USP8: variants seen among roughly 807,000 people sequenced by gnomAD.
USP8 encodes ubiquitin carboxyl-terminal hydrolase 8.
A neutral mutation model predicts 130.0 loss-of-function variants in USP8; 27 were observed. The ratio of observed to expected loss-of-function variants is 0.21; its 90% confidence interval spans 0.15 to 0.29. The LOEUF (loss-of-function observed/expected upper bound fraction) is 0.29. USP8 is among the 10% of genes least tolerant of loss of function. The pLI, the probability that USP8 is intolerant of heterozygous loss-of-function variation, is 1.00. For missense variants in USP8, 1,029 were observed against 1,312.2 expected, an observed-to-expected ratio of 0.78 and a Z score of 3.33; for synonymous variants, 392 against 444.1, an observed-to-expected ratio of 0.88 and a Z score of 1.48.
At chr15:50,445,856 CAAA>C (rs200962937) in intron 3 of USP8, among the ~76,000 whole-genome samples, 4 of 97,412 alleles carry the variant, frequency 4.1e-5, no homozygotes, top group Admixed American at 2.2e-4. Flanking sequence ...GACTCCGTCT[CAAA>C]AAAAAAAAAA....
In USP8 at chr15:50,508,318, G is replaced by A. The variant is rs558523728; in HGVS notation, c.*9230G>A. ...TCTGAGAATGTCTTAAAAATAATACGATGCCAAGAAGAGAGTGGGTCAGTA... is the reference window on the plus strand; with the variant it reads ...TCTGAGAATGTCTTAAAAATAATACAATGCCAAGAAGAGAGTGGGTCAGTA... On this transcript the variant is annotated 3_prime_UTR_variant, in exon 20 of 20. Transcript: ENST00000307179. 1.3e-4 allele frequency: 20 copies of A among 152,172 alleles called. No individual in the cohort carries two copies. The highest frequency in any genetic ancestry group is 9.8e-4 in the Admixed American group (15 of 15,286). 9.4% of individuals were successfully genotyped at this position (152,172 alleles called of 1,614,324 possible).
intron 2 of USP8, among the ~76,000 whole-genome samples, chr15:50,439,632 T>C (rs1199151565): frequency 6.6e-6 from 1 of 150,760 alleles, no homozygotes; most frequent in Non-Finnish European, 1.5e-5. Context: ...CTACTAAAAA[T>C]ACAAAAAATT....
rs896314940 is a variant in USP8, at chr15:50,503,798, C to T, written c.*4710C>T. 6.6e-6 allele frequency: 1 copy of T among 152,194 alleles called. No homozygotes were observed. The highest frequency in any genetic ancestry group is 2.4e-5 in the African/African-American group (1 of 41,442). 9.4% of individuals were successfully genotyped at this position (152,194 alleles called of 1,614,324 possible). The stretch of plus-strand genomic sequence containing the variant: ...TAACTCAGACCTAACAGGATATCCA[C>T]ATATGAAACCCCAATGAAGTTGAGA... On this transcript the variant is annotated 3_prime_UTR_variant, in exon 20 of 20. Coordinates refer to ENST00000307179, the MANE Select transcript of USP8 (RefSeq NM_005154.5).
chr15:50,433,620 T>C lies in USP8; in HGVS notation c.-65-5389T>C, dbSNP rs1356706411. Among the ~76,000 whole-genome samples the C allele has an allele frequency of 2.0e-5, 3 of 152,162 alleles. No individual in the cohort carries two copies. In the East Asian group the frequency reaches 5.8e-4, roughly 29 times the overall value. On this transcript the variant is annotated intron_variant, in intron 1 of 19. Transcript: ENST00000307179. ...GAACATTTTCTCTTTATTTATTTAT[T>C]TTTTTTTGAGATGGAGTCTCTGTTG...
intron 4 of USP8, among the ~76,000 whole-genome samples, chr15:50,457,356 G>A (rs1197433126): frequency 3.3e-5 from 5 of 151,932 alleles, no homozygotes; most frequent in African/African-American, 9.7e-5. Flanking sequence ...TCAGGAGTTC[G>A]AGACCAGCCT....
chr15:50,451,380 T>A (rs2141268708), intron 4 of USP8, among the ~76,000 whole-genome samples: 1 of 152,280 alleles, frequency 6.6e-6, no homozygotes, highest in East Asian at 1.9e-4. Context: ...CACTGCACTC[T>A]AGCCTGGGCG....
In USP8 at chr15:50,510,789, T is replaced by G. The variant is rs1241143817; in HGVS notation, c.*11701T>G. 2.6e-5 allele frequency: 4 copies of G among 152,142 alleles called. No homozygotes were observed. The highest frequency in any genetic ancestry group is 5.9e-5 in the Non-Finnish European group (4 of 68,060). The allele number at this position is 152,142 out of a possible 1,614,324, so 9.4% of individuals were successfully genotyped here. ...ACCAATGTTTTGTTTTTTGGTTTTT[T>G]TTTTAGAGATGGAGTCTCGCTCTGT... is the stretch of plus-strand genomic sequence containing the variant. On this transcript the variant is annotated 3_prime_UTR_variant, in exon 20 of 20. Coordinates refer to ENST00000307179, the MANE Select transcript of USP8 (RefSeq NM_005154.5).
intron 1 of USP8, among the ~76,000 whole-genome samples, chr15:50,428,336 C>T (rs758743207): frequency 1.3e-5 from 2 of 152,032 alleles, no homozygotes; most frequent in African/African-American, 4.8e-5. Context: ...AGGCTGGTCA[C>T]GAACTCCTGA....
At position 50,478,160 on chromosome 15, in the gene USP8, C is replaced by T. The variant is rs547850985; in HGVS notation, c.1218+661C>T. ...TTATTTTCATAAATAGCTTGGCTTACATATGATAGGTATGTGATGTCAGTA... is the reference window on the plus strand; with the variant it reads ...TTATTTTCATAAATAGCTTGGCTTATATATGATAGGTATGTGATGTCAGTA... On this transcript the variant is annotated intron_variant, in intron 10 of 19. Coordinates refer to ENST00000307179, the MANE Select transcript of USP8 (RefSeq NM_005154.5). Among the ~76,000 whole-genome samples the T allele has an allele frequency of 3.4e-4, 51 of 152,230 alleles. 1 individual carries two copies. The South Asian group carries it at 0.01, about 31-fold the overall frequency.
rs59352489 is a variant in USP8, at chr15:50,501,302, G to GAA, written c.*2233_*2234dup. The GAA allele has an allele frequency of 9.2e-5, 10 of 108,836 alleles. No homozygotes were observed. Among genetic ancestry groups the GAA allele is most frequent in the Admixed American group, 3.1e-4 (3 of 9,774 alleles). The allele number at this position is 108,836 out of a possible 1,614,324, so 6.7% of individuals were successfully genotyped here. Reference sequence around the variant, plus strand: ...TAGCGAGACTCCATATCTTTTAAAGGAAAAAAAAAAAAAAAAAAAAGATGA... The same window carrying GAA: ...TAGCGAGACTCCATATCTTTTAAAGGAAAAAAAAAAAAAAAAAAAAAAGATGA... On this transcript the variant is annotated 3_prime_UTR_variant, in exon 20 of 20. Transcript: ENST00000307179.
At chr15:50,461,992 A>G (rs1041039370) in intron 5 of USP8, among the ~76,000 whole-genome samples, 3 of 152,252 alleles carry the variant, frequency 2.0e-5, no homozygotes, top group Non-Finnish European at 4.4e-5. Context: ...CAAATTAAAT[A>G]TTAAATTTCT....
rs2051589559 is a variant in USP8 at position 50,477,013 on chromosome 15, T to C, written c.994+20T>C. On this transcript the variant is annotated intron_variant, in intron 9 of 19. Coordinates refer to ENST00000307179, the MANE Select transcript of USP8 (RefSeq NM_005154.5). Reference sequence around the variant, plus strand: ...TCTCATGTATGTATGTGAAAATTTTTGTTTAAAATTGCTTTGGTAAAATAT... The same window carrying C: ...TCTCATGTATGTATGTGAAAATTTTCGTTTAAAATTGCTTTGGTAAAATAT... The C allele has an allele frequency of 1.9e-6, 3 of 1,593,154 alleles. No homozygotes were observed. The African/African-American group carries it at 4.1e-5, about 22-fold the overall frequency.
chr15:50,446,801 T>C (rs1282973792), intron 3 of USP8, among the ~76,000 whole-genome samples: 1 of 152,246 alleles, frequency 6.6e-6, no homozygotes, highest in Non-Finnish European at 1.5e-5. Context: ...GGTCTCACTC[T>C]GTTGCTCAGG....
At chr15:50,478,006 T>C (rs2051629144) in intron 10 of USP8, among the ~76,000 whole-genome samples, 1 of 152,070 alleles carries the variant, frequency 6.6e-6, no homozygotes, top group Non-Finnish European at 1.5e-5. Context: ...TATATTAGAG[T>C]AGATAATTAA....
chr15:50,484,323 A>G lies in USP8; in HGVS notation c.1852A>G (p.Thr618Ala). 1 of 1,612,582 alleles carries G rather than the reference A, an allele frequency of 6.2e-7. No homozygotes were observed. Residue 618 changes from threonine to alanine, a missense_variant, in exon 12 of 20, where the codon ACT becomes GCT. Transcript: ENST00000307179. The part of the protein sequence containing the change: ...QPESGILRTG[T>A]FREDTDDTER... Reference sequence around the variant, plus strand: ...AGAAAGTGGAATTCTAAGGACAGGAACTTTTAGAGAGGATACAGACGATAC... The same window carrying G: ...AGAAAGTGGAATTCTAAGGACAGGAGCTTTTAGAGAGGATACAGACGATAC...
At chr15:50,471,836 A>G in intron 8 of USP8, 41 bp downstream of exon 8, 2 of 1,604,534 alleles carry the variant, frequency 1.2e-6, no homozygotes, top group South Asian at 1.1e-5. Flanking sequence ...ATTGCAGGGC[A>G]TCTCTGGTTG....
At chr15:50,479,688 T>C (rs2051695098) in intron 10 of USP8, among the ~76,000 whole-genome samples, 1 of 151,904 alleles carries the variant, frequency 6.6e-6, no homozygotes, top group African/African-American at 2.4e-5. Context: ...AGACAAAGGA[T>C]TTTTTTTAAG....
At chr15:50,435,148 A>C (rs2050057419) in intron 1 of USP8, among the ~76,000 whole-genome samples, 1 of 152,106 alleles carries the variant, frequency 6.6e-6, no homozygotes, top group African/African-American at 2.4e-5. Flanking sequence ...CTATTTTCAG[A>C]TTTCTTTAAT....
chr15:50,432,762 A>G (rs537340896), intron 1 of USP8, among the ~76,000 whole-genome samples: 1 of 152,326 alleles, frequency 6.6e-6, no homozygotes, highest in Admixed American at 6.5e-5. Context: ...TATGTGTGAC[A>G]TAGTCTGATG....
Sources: allele counts gnomAD v4.1 joint callset (sites outside exome capture counted in the v4.1 genomes callset), GRCh38; gene constraint gnomAD v4.1.1; transcripts MANE v1.5; gene names NCBI Gene and HGNC (gene_info 2026-07-23, HGNC 2026-07-21).